The following SLC24A1 variants were observed in gnomAD, a reference collection of about 807,000 sequenced individuals.
SLC24A1 encodes the protein solute carrier family 24 member 1, also known as sodium/potassium/calcium exchanger 1.
In SLC24A1, 52 loss-of-function variants were observed where a neutral mutation model predicts 88.1. The observed-to-expected ratio is 0.59, with a 90% confidence interval of 0.47 to 0.74. SLC24A1 has a LOEUF of 0.74. Among genes scored for constraint, SLC24A1 ranks in the 30% least tolerant of loss-of-function variants. The pLI is 0.00. For synonymous variants in SLC24A1, 455 were observed against 498.0 expected (o/e 0.91, Z 1.15); for missense variants, 1,173 against 1,363.3 (o/e 0.86, Z 2.20).
In SLC24A1 at chr15:65,625,255, A is replaced by G. The variant is rs2074467286; in HGVS notation, c.1175A>G (p.His392Arg). ...TVRAKLTMQV[H>R]HCVVVKPTPA... The stretch of plus-strand genomic sequence containing the variant: ...AGGGCAAAGCTGACCATGCAGGTCC[A>G]TCACTGTGTGGTTGTGAAGCCAACC... The change falls in exon 2 of 10, where the codon CAT becomes CGT. Residue 392 changes from histidine to arginine, a missense_variant. His to Arg is a conservative substitution (Grantham distance 29, BLOSUM62 0). Transcript: ENST00000261892. The G allele has an allele frequency of 1.2e-6, 2 of 1,613,816 alleles. No homozygotes were observed. The highest frequency in any genetic ancestry group is 1.7e-5 in the Admixed American group (1 of 60,006).
In SLC24A1 at chr15:65,624,658, G is replaced by A. The variant is rs1261443097; in HGVS notation, c.578G>A (p.Arg193His). Residue 193 changes from arginine to histidine, a missense_variant, in exon 2 of 10, where the codon CGT becomes CAT. Transcript: ENST00000261892. ...AAGGTGAAGTATACTCCTTCCCCAC[G>A]TGGTAGAAGAGTAGGCACTTACGTG... ...REKVKYTPSP[R>H]GRRVGTYVPS... 2.1e-5 allele frequency: 34 copies of A among 1,596,728 alleles called. No individual in the cohort carries two copies. In the Admixed American group the frequency reaches 4.6e-4, roughly 22 times the overall value.
In SLC24A1 at chr15:65,624,971, G is replaced by T. The variant is rs759402955; in HGVS notation, c.891G>T (p.Gly297=). The T allele has an allele frequency of 6.2e-7, 1 of 1,608,542 alleles. No individual in the cohort carries two copies. Among genetic ancestry groups the T allele is most frequent in the African/African-American group, 1.3e-5 (1 of 74,496 alleles). The change falls in exon 2 of 10, where the codon GGG becomes GGT. Residue 297 remains glycine (G), a synonymous_variant. Transcript: ENST00000261892. The part of the protein sequence containing the change: ...VESNSSAHPW[G]LVGKSNPKTP... ...GTAACAGCTCAGCCCATCCCTGGGG[G>T]TTAGTGGGAAAGAGCAACCCGAAGA...
At chr15:65,657,474 T>C (rs1043659758), downstream of SLC24A1, among the ~76,000 whole-genome samples, 10 of 151,640 alleles carry the variant, frequency 6.6e-5, no homozygotes, top group African/African-American at 1.7e-4. Flanking sequence ...ACCCCGTCTC[T>C]ACTAAAAAAA....
At position 65,634,876 on chromosome 15, in the gene SLC24A1, G is replaced by A. The variant is rs76151948; in HGVS notation, c.1891-3252G>A. On this transcript the variant is annotated intron_variant, in intron 2 of 9. Coordinates refer to ENST00000261892, the MANE Select transcript of SLC24A1 (RefSeq NM_004727.3). ...ACCATCTTTGTGAGTGTGGGTAAGT[G>A]ATGGAATCATTCTGCATCTCAGTTT... Among the ~76,000 whole-genome samples the A allele has an allele frequency of 4.8e-4, 73 of 152,220 alleles. 2 individuals are homozygous for A. In the East Asian group the frequency reaches 0.012, roughly 25 times the overall value.
At position 65,639,586 on chromosome 15, in the gene SLC24A1, C is replaced by A; in HGVS notation, c.1945-9C>A. ...CAGGGGCCCACTGTGCGGCTCTCCT[C>A]TTGCTCAGCTCCCGTCCTTGCTGAC... is the stretch of plus-strand genomic sequence containing the variant. On this transcript the variant is annotated splice_polypyrimidine_tract_variant and intron_variant, in intron 3 of 9. Transcript: ENST00000261892. 1 of 1,595,494 alleles carries A rather than the reference C, an allele frequency of 6.3e-7. No homozygotes were observed. The highest frequency in any genetic ancestry group is 2.3e-5 in the East Asian group (1 of 43,852).
At position 65,645,682 on chromosome 15, in the gene SLC24A1, GA is replaced by G; in HGVS notation, c.2213del (p.Lys738ArgfsTer84). The G allele has an allele frequency of 6.3e-7, 1 of 1,577,228 alleles. No individual in the cohort carries two copies. The highest frequency in any genetic ancestry group is 1.3e-5 in the African/African-American group (1 of 74,188). ...APVPDIKGDQ[K>X]ENPGGQEDVA... ...CTGTTCCAGACATCAAGGGAGATCA[GA>G]AGGAGAATCCAGGCGGTCAGGTAGG... On this transcript the variant is annotated frameshift_variant, in exon 6 of 10. Coordinates refer to ENST00000261892, the MANE Select transcript of SLC24A1 (RefSeq NM_004727.3). LOFTEE classifies it high-confidence loss of function.
chr15:65,612,992 G>T (rs1261558942), intron 2 of SLC24A1, among the ~76,000 whole-genome samples: 4 of 152,168 alleles, frequency 2.6e-5, no homozygotes, highest in Non-Finnish European at 5.9e-5. Flanking sequence ...CTCCTTAGTG[G>T]AATCCCATTA....
At chr15:65,630,914 T>C (rs1228449320) in intron 2 of SLC24A1, among the ~76,000 whole-genome samples, 2 of 151,994 alleles carry the variant, frequency 1.3e-5, no homozygotes, top group African/African-American at 4.8e-5. Context: ...GAGGTTGCAG[T>C]GAGCTGACAT....
At chr15:65,657,369 C>T (rs565360566), downstream of SLC24A1, among the ~76,000 whole-genome samples, 7 of 151,608 alleles carry the variant, frequency 4.6e-5, no homozygotes, top group Non-Finnish European at 5.9e-5. Flanking sequence ...GGGCCGGGCG[C>T]GGTGGCTCAT....
upstream of SLC24A1, among the ~76,000 whole-genome samples, chr15:65,620,642 G>C (rs186095628): frequency 3.2e-4 from 48 of 152,314 alleles, no homozygotes; most frequent in African/African-American, 1.1e-3. Context: ...TAGGATTTAG[G>C]TTAGACACCA....
chr15:65,626,102 A>G, intron 2 of SLC24A1, 132 bp downstream of exon 2: 1 of 721,120 alleles, frequency 1.4e-6, no homozygotes, highest in African/African-American at 1.7e-5. Context: ...TATTTATTCA[A>G]CATTTATAGA....
intron 2 of SLC24A1, among the ~76,000 whole-genome samples, chr15:65,634,821 G>T (rs1014956705): frequency 6.7e-6 from 1 of 148,774 alleles, no homozygotes; most frequent in Non-Finnish European, 1.5e-5. Context: ...AGAAAAAAAA[G>T]AAAAAAAGAG....
Position 65,645,628 on chromosome 15 carries a change from G to T in SLC24A1, c.2157G>T (p.Lys719Asn). 6.4e-7 allele frequency: 1 copy of T among 1,572,276 alleles called. No individual in the cohort carries two copies. Among genetic ancestry groups the T allele is most frequent in the Non-Finnish European group, 8.6e-7 (1 of 1,158,692 alleles). ...CCTTTAAAGAGGAGGAGCCAGCCAA[G>T]CTCCCTGCGGTCACGGTCACACCAG... ...ESKPEEEEPA[K>N]LPAVTVTPAP... is the part of the protein sequence containing the mutation. Residue 719 changes from lysine (K) to asparagine (N), a missense_variant, in exon 6 of 10, where the codon AAG (lysine) becomes AAT (asparagine). Coordinates refer to ENST00000261892, the MANE Select transcript of SLC24A1 (RefSeq NM_004727.3).
downstream of SLC24A1, chr15:65,659,234 G>C (rs183509838): frequency 1.3e-5 from 2 of 149,734 alleles, no homozygotes; most frequent in Non-Finnish European, 3.0e-5. Context: ...TCTCCAACAT[G>C]ATTGGCCATT....
chr15:65,636,052 T>A (rs1022278612), intron 2 of SLC24A1, among the ~76,000 whole-genome samples: 1 of 151,734 alleles, frequency 6.6e-6, no homozygotes. Context: ...AAGAAGGGAG[T>A]GTAGCAAGTT....
Position 65,652,411 on chromosome 15 carries a change from A to G in SLC24A1, c.2884-231A>G, listed in dbSNP as rs979788821. 27 of 462,828 alleles carry G rather than the reference A, an allele frequency of 5.8e-5. No individual in the cohort carries two copies. The East Asian group carries it at 8.3e-4, about 14-fold the overall frequency. 28.7% of individuals were successfully genotyped at this position (462,828 alleles called of 1,614,324 possible). On this transcript the variant is annotated intron_variant, in intron 8 of 9. Transcript: ENST00000261892. ...TCTGGTGTAGGTAACTTTTAGTCCAATTGTGAAAAGAAGAGCAACATGGTC... is the reference window on the plus strand; with the variant it reads ...TCTGGTGTAGGTAACTTTTAGTCCAGTTGTGAAAAGAAGAGCAACATGGTC...
At position 65,652,700 on chromosome 15, in the gene SLC24A1, G is replaced by A; in HGVS notation, c.2942G>A (p.Gly981Asp). ...ATGGGCCTGACAATCCTTGCAGCAG[G>A]CACATCAATTCCTGACCTCATCACC... ...EIMGLTILAAGTSIPDLITSV... is the reference protein window; with the variant it reads ...EIMGLTILAADTSIPDLITSV... The change falls in exon 9 of 10, where the codon GGC (glycine) becomes GAC (aspartate). Residue 981 changes from glycine to aspartate, a missense_variant. By Grantham distance (94) the Gly-to-Asp change is moderately conservative (BLOSUM62 -1). Coordinates refer to ENST00000261892, the MANE Select transcript of SLC24A1 (RefSeq NM_004727.3). 1 of 1,613,968 alleles carries A rather than the reference G, an allele frequency of 6.2e-7. No individual in the cohort carries two copies. The highest frequency in any genetic ancestry group is 8.5e-7 in the Non-Finnish European group (1 of 1,179,872).
rs1235697548 is a variant in SLC24A1 at position 65,634,753 on chromosome 15, AAAAAAG to A, written c.1891-3357_1891-3352del. On this transcript the variant is annotated intron_variant, in intron 2 of 9. Coordinates refer to ENST00000261892, the MANE Select transcript of SLC24A1 (RefSeq NM_004727.3). ...AATCAAAAGCACCAAAAAAAAAAAA[AAAAAAG>A]AAAAAGAAAAAGAAAAACTGAATGA... is the stretch of plus-strand genomic sequence containing the variant. 5.8e-3 allele frequency among the ~76,000 whole-genome samples: 865 copies of A among 149,918 alleles called. 6 individuals carry two copies. The highest frequency in any genetic ancestry group is 0.01 in the Non-Finnish European group (679 of 67,090).
chr15:65,620,999 C>T (rs2074300656), upstream of SLC24A1, among the ~76,000 whole-genome samples: 1 of 152,198 alleles, frequency 6.6e-6, no homozygotes, highest in Non-Finnish European at 1.5e-5. Context: ...ATGAAGCCAG[C>T]TCTTCCACAG....
Sources: allele counts gnomAD v4.1 joint callset (sites outside exome capture counted in the v4.1 genomes callset), GRCh38; gene constraint gnomAD v4.1.1; transcripts MANE v1.5; gene names NCBI Gene and HGNC (gene_info 2026-07-23, HGNC 2026-07-21).